The following PTPRO variants were observed in gnomAD, a reference collection of about 807,000 sequenced individuals.
PTPRO encodes the protein protein tyrosine phosphatase receptor type O, also known as receptor-type tyrosine-protein phosphatase O.
Under a neutral mutation model 145.2 loss-of-function variants are expected in PTPRO, and 62 were observed. The observed-to-expected ratio is 0.43, with a 90% CI of 0.35 to 0.53. The LOEUF is 0.53. Ranked by LOEUF, PTPRO falls within the 20% of genes least tolerant of loss-of-function variation. The pLI is 0.01. For synonymous variants in PTPRO, 565 were observed against 514.7 expected, an observed-to-expected ratio of 1.10 and a Z score of -1.32; for missense variants, 1,345 against 1,482.7, an observed-to-expected ratio of 0.91 and a Z score of 1.53.
intron 1 of PTPRO, chr12:15,440,062 C>T (rs1940717905): frequency 4.7e-6 from 3 of 641,760 alleles, no homozygotes; most frequent in East Asian, 5.7e-5. Flanking sequence ...CCCACACTGT[C>T]CCTTGCAAGG....
chr12:15,501,860 A>C lies in PTPRO; in HGVS notation c.902A>C (p.Asp301Ala). The change falls in exon 5 of 27, where the codon GAC becomes GCC. Residue 301 changes from aspartate (D) to alanine (A), a missense_variant. By Grantham distance (126) the Asp-to-Ala change is moderately radical. Transcript: ENST00000281171. ...ACTACGTCTCAGCCATATTGGTGGGACAGTGCATCTGCAGCTCCTGAAAGT... is the reference window on the plus strand; with the variant it reads ...ACTACGTCTCAGCCATATTGGTGGGCCAGTGCATCTGCAGCTCCTGAAAGT... Reference protein sequence around the residue: ...YETTSQPYWWDSASAAPESED... With the variant: ...YETTSQPYWWASASAAPESED... The C allele has an allele frequency of 6.2e-7, 1 of 1,614,122 alleles. No individual in the cohort carries two copies. The highest frequency in any genetic ancestry group is 1.1e-5 in the South Asian group (1 of 91,088).
chr12:15,386,973 T>C (rs1396366809), intron 1 of PTPRO, among the ~76,000 whole-genome samples: 4 of 152,226 alleles, frequency 2.6e-5, no homozygotes, highest in Admixed American at 6.5e-5. Context: ...TGACATCTGA[T>C]ATTAGATTCT....
intron 12 of PTPRO, among the ~76,000 whole-genome samples, chr12:15,541,486 G>T (rs1291209253): frequency 6.6e-6 from 1 of 152,166 alleles, no homozygotes; most frequent in Non-Finnish European, 1.5e-5. Context: ...TTAAACAACA[G>T]AAATTTGTTT....
intron 10 of PTPRO, among the ~76,000 whole-genome samples, chr12:15,520,917 A>G (rs563107736): frequency 6.6e-6 from 1 of 152,216 alleles, no homozygotes; most frequent in Non-Finnish European, 1.5e-5. Context: ...ATTATTATAT[A>G]AGCTACTTTG....
chr12:15,553,797 A>G (rs1461958051), intron 15 of PTPRO, among the ~76,000 whole-genome samples: 2 of 152,220 alleles, frequency 1.3e-5, no homozygotes, highest in African/African-American at 4.8e-5. Context: ...TCCAGGCAAG[A>G]GATGCTAATA....
At chr12:15,522,785 C>G (rs1051529228) in intron 10 of PTPRO, among the ~76,000 whole-genome samples, 1 of 152,092 alleles carries the variant, frequency 6.6e-6, no homozygotes, top group African/African-American at 2.4e-5. Flanking sequence ...CATCTTGTGG[C>G]CTTCCAGCAA....
At chr12:15,516,500 GAAAA>G (rs1942595179) in intron 8 of PTPRO, among the ~76,000 whole-genome samples, 2 of 118,456 alleles carry the variant, frequency 1.7e-5, no homozygotes, top group South Asian at 6.2e-4. Flanking sequence ...AGGAAAGAAA[GAAAA>G]GAAAGAAAGA....
At chr12:15,385,156 A>G (rs1339931424) in intron 1 of PTPRO, among the ~76,000 whole-genome samples, 1 of 152,208 alleles carries the variant, frequency 6.6e-6, no homozygotes, top group Non-Finnish European at 1.5e-5. Flanking sequence ...TATTTATTGT[A>G]ACTTGAAATT....
chr12:15,487,677 A>G (rs1002467411), intron 2 of PTPRO, among the ~76,000 whole-genome samples: 3 of 152,170 alleles, frequency 2.0e-5, no homozygotes, highest in Non-Finnish European at 2.9e-5. Flanking sequence ...GGAAAGCTAG[A>G]GAGAGACAGT....
At chr12:15,424,607 G>C (rs1940233066) in intron 1 of PTPRO, among the ~76,000 whole-genome samples, 1 of 152,022 alleles carries the variant, frequency 6.6e-6, no homozygotes, top group South Asian at 2.1e-4. Context: ...CACAGCTGAT[G>C]TATACACAAA....
intron 1 of PTPRO, among the ~76,000 whole-genome samples, chr12:15,481,225 G>T (rs1381080255): frequency 6.6e-6 from 1 of 152,100 alleles, no homozygotes; most frequent in East Asian, 1.9e-4. Context: ...AATATAGCAT[G>T]GTTCATATTT....
In PTPRO at chr12:15,524,933, G is replaced by C. The variant is rs749928483; in HGVS notation, c.2011G>C (p.Val671Leu). The C allele has an allele frequency of 6.2e-7, 1 of 1,614,048 alleles. No individual in the cohort carries two copies. The highest frequency in any genetic ancestry group is 1.1e-5 in the South Asian group (1 of 91,086). ...TTCTAGAATGCTTCACTGGATGGTG[G>C]TTGCAGAAGGAAAAAAGAAAATTAA... is the stretch of plus-strand genomic sequence containing the variant. ...SHSRMLHWMV[V>L]AEGKKKIKKS... Residue 671 changes from valine (V) to leucine (L), a missense_variant, in exon 11 of 27, where the codon GTT (valine) becomes CTT (leucine). Coordinates refer to ENST00000281171, the MANE Select transcript of PTPRO (RefSeq NM_030667.3).
chr12:15,352,220 A>G (rs1242431887), intron 1 of PTPRO, among the ~76,000 whole-genome samples: 1 of 152,186 alleles, frequency 6.6e-6, no homozygotes, highest in African/African-American at 2.4e-5. Flanking sequence ...CCATCATTAC[A>G]TCGGTTCTGC....
intron 1 of PTPRO, among the ~76,000 whole-genome samples, chr12:15,411,500 T>C (rs1939799906): frequency 6.6e-6 from 1 of 152,214 alleles, no homozygotes; most frequent in Admixed American, 6.5e-5. Flanking sequence ...AGACTGCCTC[T>C]AGAGAAGCTG....
chr12:15,350,701 A>G (rs1251100833), intron 1 of PTPRO, among the ~76,000 whole-genome samples: 2 of 152,240 alleles, frequency 1.3e-5, no homozygotes, highest in Admixed American at 1.3e-4. Context: ...GGAAGCAGCC[A>G]CTAACTGCAA....
chr12:15,461,295 C>T (rs1018993075), intron 1 of PTPRO, among the ~76,000 whole-genome samples: 4 of 152,124 alleles, frequency 2.6e-5, no homozygotes, highest in Non-Finnish European at 4.4e-5. Context: ...CTCCAAGTTG[C>T]CCTGCCATTT....
rs375847950 is a variant in PTPRO at position 15,501,870 on chromosome 12, T to C, written c.912T>C (p.Ser304=). The C allele has an allele frequency of 1.4e-5, 23 of 1,614,126 alleles. No homozygotes were observed. Among genetic ancestry groups the C allele is most frequent in the Non-Finnish European group, 1.9e-5 (23 of 1,180,010 alleles). Residue 304 remains serine (S), a synonymous_variant, in exon 5 of 27, where the codon TCT becomes TCC. Transcript: ENST00000281171. ...TSQPYWWDSA[S]AAPESEDEFV... is the part of the protein sequence containing the mutation. Reference sequence around the variant, plus strand: ...AGCCATATTGGTGGGACAGTGCATCTGCAGCTCCTGAAAGTGAAGATGAAT... The same window carrying C: ...AGCCATATTGGTGGGACAGTGCATCCGCAGCTCCTGAAAGTGAAGATGAAT...
intron 1 of PTPRO, among the ~76,000 whole-genome samples, chr12:15,442,636 T>A (rs188304408): frequency 1.3e-5 from 2 of 152,268 alleles, no homozygotes; most frequent in African/African-American, 4.8e-5. Flanking sequence ...ATAAATGACT[T>A]CAGCGAAGTT....
chr12:15,449,452 A>G (rs1940991202), intron 1 of PTPRO, among the ~76,000 whole-genome samples: 2 of 152,202 alleles, frequency 1.3e-5, no homozygotes, highest in African/African-American at 4.8e-5. Context: ...GAAGAGGAGG[A>G]AATGAAGAGA....
Sources: allele counts gnomAD v4.1 joint callset (sites outside exome capture counted in the v4.1 genomes callset), GRCh38; gene constraint gnomAD v4.1.1; transcripts MANE v1.5; gene names NCBI Gene and HGNC (gene_info 2026-07-23, HGNC 2026-07-21).